GPC6: variants seen among roughly 807,000 people sequenced by gnomAD.
GPC6 encodes the protein glypican-6.
In GPC6, 14 loss-of-function variants were observed where a neutral mutation model predicts 55.2. The observed-to-expected ratio is 0.25, with a 90% CI of 0.17 to 0.40. The LOEUF (loss-of-function observed/expected upper bound fraction) is 0.40, where lower values mean the gene tolerates loss of function less well. Ranked by LOEUF, GPC6 falls within the 10% of genes least tolerant of loss-of-function variation. GPC6 has a pLI of 1.00. For synonymous variants in GPC6, 278 were observed against 259.6 expected (o/e 1.07, Z -0.68); for missense variants, 641 against 708.5 (o/e 0.90, Z 1.08).
chr13:93,323,182 T>C (rs1879517015), intron 1 of GPC6, among the ~76,000 whole-genome samples: 2 of 152,330 alleles, frequency 1.3e-5, no homozygotes, highest in African/African-American at 4.8e-5. Flanking sequence ...TTATGTAATA[T>C]AAATTTCATA....
intron 1 of GPC6, among the ~76,000 whole-genome samples, chr13:93,369,142 G>A (rs543042952): frequency 2.6e-5 from 4 of 151,888 alleles, no homozygotes; most frequent in African/African-American, 7.3e-5. Context: ...TGGGCTCCTC[G>A]TGTAGTCTCC....
intron 3 of GPC6, among the ~76,000 whole-genome samples, chr13:93,879,756 C>T (rs1485548017): frequency 6.6e-6 from 1 of 152,072 alleles, no homozygotes; most frequent in African/African-American, 2.4e-5. Flanking sequence ...GCAAAAGAAA[C>T]TACCATCAGA....
At chr13:93,946,363 C>T (rs1468715791) in intron 3 of GPC6, among the ~76,000 whole-genome samples, 1 of 152,112 alleles carries the variant, frequency 6.6e-6, no homozygotes, top group Non-Finnish European at 1.5e-5. Flanking sequence ...AACTCCTGGG[C>T]TCAAGCAATC....
chr13:93,263,418 G>A (rs940953717), intron 1 of GPC6, among the ~76,000 whole-genome samples: 1 of 152,042 alleles, frequency 6.6e-6, no homozygotes, highest in African/African-American at 2.4e-5. Flanking sequence ...AGGCTAGAGT[G>A]CAGTGGCATG....
intron 4 of GPC6, among the ~76,000 whole-genome samples, chr13:94,282,268 C>T (rs1242361538): frequency 6.6e-6 from 1 of 152,082 alleles, no homozygotes; most frequent in African/African-American, 2.4e-5. Flanking sequence ...AGAATCATTT[C>T]CCCAGGAAAC....
chr13:93,903,501 T>A (rs998988390), intron 3 of GPC6, among the ~76,000 whole-genome samples: 2 of 152,214 alleles, frequency 1.3e-5, no homozygotes, highest in African/African-American at 4.8e-5. Context: ...CTCTTACATT[T>A]AAAAATGTGT....
At chr13:94,084,056 T>C (rs971671242) in intron 4 of GPC6, among the ~76,000 whole-genome samples, 2 of 152,254 alleles carry the variant, frequency 1.3e-5, no homozygotes, top group Non-Finnish European at 2.9e-5. Context: ...ATGTACTGGC[T>C]ATAGTCCTTC....
At chr13:93,458,319 C>A (rs1878549014) in intron 1 of GPC6, among the ~76,000 whole-genome samples, 1 of 152,118 alleles carries the variant, frequency 6.6e-6, no homozygotes, top group Non-Finnish European at 1.5e-5. Flanking sequence ...CCCTAGTACT[C>A]TTCATTGTAT....
At chr13:93,837,712 T>G (rs1887792831) in intron 3 of GPC6, among the ~76,000 whole-genome samples, 1 of 152,208 alleles carries the variant, frequency 6.6e-6, no homozygotes, top group African/African-American at 2.4e-5. Flanking sequence ...GAACATTTAT[T>G]ATGCAATAAA....
chr13:94,210,419 A>C (rs1890043621), intron 4 of GPC6, among the ~76,000 whole-genome samples: 1 of 152,116 alleles, frequency 6.6e-6, no homozygotes, highest in Non-Finnish European at 1.5e-5. Context: ...AGCCTCCGAA[A>C]GTGCTGGGAT....
intron 2 of GPC6, among the ~76,000 whole-genome samples, chr13:93,800,579 C>A (rs1469160940): frequency 1.3e-5 from 2 of 152,014 alleles, no homozygotes; most frequent in African/African-American, 4.8e-5. Flanking sequence ...AGTGACCTAG[C>A]GCAAACATAA....
At chr13:93,869,245 C>T (rs1889056674) in intron 3 of GPC6, among the ~76,000 whole-genome samples, 2 of 151,806 alleles carry the variant, frequency 1.3e-5, no homozygotes, top group Non-Finnish European at 2.9e-5. Context: ...AAAACAGGTT[C>T]AAATCAGTAT....
chr13:93,389,503 CAAA>C (rs5805801), intron 1 of GPC6, among the ~76,000 whole-genome samples: 1 of 124,244 alleles, frequency 8.0e-6, no homozygotes, highest in Admixed American at 8.4e-5. Flanking sequence ...GACTCCATCT[CAAA>C]AAAAAAAAAA....
intron 1 of GPC6, among the ~76,000 whole-genome samples, chr13:93,292,205 A>C (rs1221849352): frequency 1.3e-5 from 2 of 152,172 alleles, no homozygotes; most frequent in Non-Finnish European, 2.9e-5. Context: ...TTTTATGAAG[A>C]GGGTGGAAAT....
intron 1 of GPC6, among the ~76,000 whole-genome samples, chr13:93,424,513 A>T (rs905989167): frequency 6.6e-6 from 1 of 152,140 alleles, no homozygotes; most frequent in Non-Finnish European, 1.5e-5. Context: ...CCTACTACGC[A>T]GTGCAACATG....
chr13:94,260,438 T>A (rs1438907921), intron 4 of GPC6, among the ~76,000 whole-genome samples: 1 of 152,166 alleles, frequency 6.6e-6, no homozygotes, highest in Non-Finnish European at 1.5e-5. Context: ...TAGGGTTAGT[T>A]TCTTCTGAAA....
chr13:94,070,299 C>G (rs1267875815), intron 4 of GPC6, among the ~76,000 whole-genome samples: 1 of 152,184 alleles, frequency 6.6e-6, no homozygotes, highest in Non-Finnish European at 1.5e-5. Context: ...TTACCTCCCA[C>G]CAGGTTCCTC....
At chr13:94,164,797 AT>A (rs1026000774) in intron 4 of GPC6, among the ~76,000 whole-genome samples, 96 of 150,630 alleles carry the variant, frequency 6.4e-4, no homozygotes, top group Non-Finnish European at 1.1e-3. Context: ...AAATAAATTG[AT>A]TTTTTTTTTA....
At chr13:94,342,368 TAAG>T (rs1359229223) in intron 6 of GPC6, among the ~76,000 whole-genome samples, 1 of 152,010 alleles carries the variant, frequency 6.6e-6, no homozygotes, top group African/African-American at 2.4e-5. Context: ...GGCTTCCTAA[TAAG>T]AAGGGAATTT....
Sources: gnomAD v4.1 joint callset for allele counts (sites outside exome capture counted in the v4.1 genomes callset) on GRCh38, gnomAD v4.1.1 for gene constraint, MANE v1.5 for transcripts, NCBI Gene and HGNC (gene_info 2026-07-23, HGNC 2026-07-21) for gene names.